Variants in STK32C observed in about 807,000 individuals in gnomAD.
STK32C encodes serine/threonine-protein kinase 32C.
STK32C carries 31 observed loss-of-function variants against 56.5 expected under a neutral mutation model. The ratio of observed to expected loss-of-function variants is 0.55; its 90% confidence interval spans 0.41 to 0.74. The LOEUF (loss-of-function observed/expected upper bound fraction) is 0.74, where lower values mean the gene tolerates loss of function less well. STK32C is among the 30% of genes least tolerant of loss of function. The pLI, the probability that STK32C is intolerant of heterozygous loss-of-function variation, is 0.00. For missense variants in STK32C, 544 were observed against 676.9 expected (o/e 0.80, Z 2.18); for synonymous variants, 309 against 289.4 (o/e 1.07, Z -0.69).
chr10:132,279,678 C>CGTGATCACGACACTCCACTCT (rs1169615294), intron 1 of STK32C, among the ~76,000 whole-genome samples: 7 of 150,190 alleles, frequency 4.7e-5, no homozygotes, highest in African/African-American at 1.7e-4. Context: ...CACTGCACTC[C>CGTGATCACGACACTCCACTCT]GTGATCACGA....
At chr10:132,239,954 C>A (rs970119639) in intron 2 of STK32C, among the ~76,000 whole-genome samples, 1 of 152,238 alleles carries the variant, frequency 6.6e-6, no homozygotes, top group African/African-American at 2.4e-5. Context: ...AGCTTCCAAT[C>A]GACGTCAGCG....
At chr10:132,282,245 C>T (rs1247091683) in intron 1 of STK32C, among the ~76,000 whole-genome samples, 4 of 152,248 alleles carry the variant, frequency 2.6e-5, no homozygotes, top group African/African-American at 7.2e-5. Context: ...CCGCCCACCC[C>T]GGCTCTCACA....
intron 1 of STK32C, among the ~76,000 whole-genome samples, chr10:132,293,658 G>A (rs2065640790): frequency 6.6e-6 from 1 of 152,220 alleles, no homozygotes; most frequent in Non-Finnish European, 1.5e-5. Context: ...ACAGCAGAGG[G>A]AACGCAGGGC....
intron 2 of STK32C, among the ~76,000 whole-genome samples, chr10:132,239,964 G>A (rs994213923): frequency 5.3e-5 from 8 of 152,234 alleles, no homozygotes; most frequent in Admixed American, 2.0e-4. Context: ...CGACGTCAGC[G>A]TCCGCTGGCT....
At chr10:132,214,875 T>A (rs2062421042) in intron 10 of STK32C, among the ~76,000 whole-genome samples, 1 of 152,024 alleles carries the variant, frequency 6.6e-6, no homozygotes, top group Admixed American at 6.5e-5. Context: ...AGAAGTATAA[T>A]TAACAGGCCA....
chr10:132,265,811 G>A (rs965272988), intron 1 of STK32C, among the ~76,000 whole-genome samples: 3 of 152,156 alleles, frequency 2.0e-5, no homozygotes, highest in Non-Finnish European at 2.9e-5. Context: ...ACCCAACGCG[G>A]GCCCCCTCCA....
intron 1 of STK32C, among the ~76,000 whole-genome samples, chr10:132,318,867 T>TA (rs11356644): frequency 8.5e-4 from 126 of 147,440 alleles, no homozygotes; most frequent in East Asian, 4.4e-3. Context: ...TTGCCATAAT[T>TA]AAAAAAAAAA....
At chr10:132,325,435 C>A (rs1210860595) in intron 1 of STK32C, among the ~76,000 whole-genome samples, 1 of 151,848 alleles carries the variant, frequency 6.6e-6, no homozygotes, top group Non-Finnish European at 1.5e-5. Context: ...TGCCTGTAGT[C>A]CCAGCTACTC....
intron 10 of STK32C, among the ~76,000 whole-genome samples, chr10:132,212,244 G>A (rs2062328565): frequency 6.6e-6 from 1 of 152,184 alleles, no homozygotes; most frequent in South Asian, 2.1e-4. Context: ...TCCCGGCGCA[G>A]GGCAGACGTC....
intron 2 of STK32C, among the ~76,000 whole-genome samples, chr10:132,233,778 G>C (rs987911442): frequency 1.3e-5 from 2 of 152,242 alleles, no homozygotes; most frequent in Non-Finnish European, 2.9e-5. Context: ...CTACCTCCCA[G>C]GCCCACACGC....
intron 1 of STK32C, among the ~76,000 whole-genome samples, chr10:132,271,850 T>G (rs1294249839): frequency 6.6e-6 from 1 of 152,224 alleles, no homozygotes; most frequent in Non-Finnish European, 1.5e-5. Context: ...GGGCACACTG[T>G]GCTCAGAGCC....
chr10:132,298,377 A>G (rs552034469), intron 1 of STK32C, among the ~76,000 whole-genome samples: 21 of 152,352 alleles, frequency 1.4e-4, no homozygotes, highest in East Asian at 1.4e-3. Flanking sequence ...TCCTGCCCCA[A>G]TGTGGGGCCC....
intron 2 of STK32C, among the ~76,000 whole-genome samples, chr10:132,231,978 T>C (rs2063117350): frequency 6.6e-6 from 1 of 152,260 alleles, no homozygotes; most frequent in South Asian, 2.1e-4. Flanking sequence ...TTGCAGACAC[T>C]GAGCTACGGA....
At position 132,307,484 on chromosome 10, in the gene STK32C, G is replaced by C. The variant is rs1056071098; in HGVS notation, c.262+88C>G. On this transcript the variant is annotated intron_variant, in intron 1 of 11. Coordinates refer to ENST00000298630, the MANE Select transcript of STK32C (RefSeq NM_173575.4). This position sits in a 1 kb window ranked among gnomAD's most constrained non-coding sequence, Gnocchi z 4.4. ...CCCCGGGAAGCCGTCCCGGACACCG[G>C]GGGAACCCCTGCGGGAAAAAGCCGC... is the stretch of plus-strand genomic sequence containing the variant. 1.1e-4 allele frequency: 148 copies of C among 1,408,766 alleles called. No homozygotes were observed. Among genetic ancestry groups the C allele is most frequent in the Non-Finnish European group, 1.3e-4 (144 of 1,069,236 alleles). 87.3% of individuals were successfully genotyped at this position (1,408,766 alleles called of 1,614,324 possible).
At chr10:132,331,331 G>T in intron 1 of STK32C, 1 of 1,131,798 alleles carries the variant, frequency 8.8e-7, no homozygotes, top group Non-Finnish European at 1.2e-6. Context: ...GAATGAAGGT[G>T]CACGGGACTC....
rs953220399 is a variant in STK32C at position 132,307,343 on chromosome 10, G to C, written c.262+229C>G. On this transcript the variant is annotated intron_variant, in intron 1 of 11. Transcript: ENST00000298630. This position sits in a 1 kb window ranked among gnomAD's most constrained non-coding sequence, Gnocchi z 4.4. ...CGGGGGACCCTCGCCCCGAGGGCCC[G>C]GGCCCAGCCTGCTCCTCCTGCGGCG... 1 of 397,306 alleles carries C rather than the reference G, an allele frequency of 2.5e-6. No homozygotes were observed. The highest frequency in any genetic ancestry group is 2.1e-5 in the African/African-American group (1 of 46,770). 24.6% of individuals were successfully genotyped at this position (397,306 alleles called of 1,614,324 possible).
chr10:132,226,575 G>T (rs927925594), intron 4 of STK32C, among the ~76,000 whole-genome samples: 4 of 152,326 alleles, frequency 2.6e-5, no homozygotes, highest in East Asian at 3.9e-4. Flanking sequence ...AGCTGGGGCT[G>T]CTGGGACGAG....
chr10:132,306,337 A>G (rs1421735381), intron 1 of STK32C, among the ~76,000 whole-genome samples: 1 of 152,260 alleles, frequency 6.6e-6, no homozygotes, highest in Non-Finnish European at 1.5e-5. Flanking sequence ...TTTACTTTGA[A>G]TATTTATGTT....
intron 1 of STK32C, among the ~76,000 whole-genome samples, chr10:132,281,135 C>T (rs1310048949): frequency 1.3e-5 from 2 of 151,962 alleles, no homozygotes; most frequent in Non-Finnish European, 2.9e-5. Flanking sequence ...TCCTGGACAA[C>T]AGAGCAAGAC....
Sources: allele counts gnomAD v4.1 joint callset (sites outside exome capture counted in the v4.1 genomes callset), GRCh38; gene constraint gnomAD v4.1.1; non-coding constraint Gnocchi (gnomAD v3.1); transcripts MANE v1.5; gene names NCBI Gene and HGNC (gene_info 2026-07-23, HGNC 2026-07-21).